ISLR2: variants seen among roughly 807,000 people sequenced by gnomAD.
The protein encoded by ISLR2 is immunoglobulin superfamily containing leucine-rich repeat protein 2.
Under a neutral mutation model 25.5 loss-of-function variants are expected in ISLR2, and 16 were observed. That is an observed-to-expected ratio of 0.63 (90% CI 0.43 to 0.95). The LOEUF is 0.95. Ranked by LOEUF, ISLR2 falls within the 40% of genes least tolerant of loss-of-function variation. The probability of loss-of-function intolerance (pLI) is 0.00; values close to 1 mark genes in which losing one functional copy is unlikely to be tolerated. For missense variants in ISLR2, 883 were observed against 1,030.7 expected, an observed-to-expected ratio of 0.86 and a Z score of 1.96; for synonymous variants, 508 against 486.6, an observed-to-expected ratio of 1.04 and a Z score of -0.58.
At position 74,122,890 on chromosome 15, in the gene ISLR2, G is replaced by A. The variant is rs73431445; in HGVS notation, n.229-8317G>A. Among the ~76,000 whole-genome samples the A allele has an allele frequency of 7.0e-3, 1,066 of 152,180 alleles. 9 individuals carry two copies. Among genetic ancestry groups the A allele is most frequent in the African/African-American group, 0.023 (967 of 41,532 alleles). On this transcript the variant is annotated intron_variant and non_coding_transcript_variant, in intron 2 of 3. Transcript: ENST00000561975. Reference sequence around the variant, plus strand: ...GGAGACTCTGGGCCAGCCCTCCTGCGGTCTGCAGGAGGCCACAGGAGGTGG... The same window carrying A: ...GGAGACTCTGGGCCAGCCCTCCTGCAGTCTGCAGGAGGCCACAGGAGGTGG...
intron 2 of ISLR2, among the ~76,000 whole-genome samples, chr15:74,106,884 G>A (rs866773459): frequency 3.9e-5 from 6 of 152,268 alleles, no homozygotes; most frequent in Middle Eastern, 3.4e-3. Context: ...ACAGCAGAGA[G>A]CCGAGAATTC....
chr15:74,124,427 A>T (rs2072275787), upstream of ISLR2, among the ~76,000 whole-genome samples: 1 of 152,106 alleles, frequency 6.6e-6, no homozygotes, highest in Non-Finnish European at 1.5e-5. Flanking sequence ...GGCTTCGGAA[A>T]AGAGAAGCCT....
rs1170646596 is a variant in ISLR2 at position 74,133,147 on chromosome 15, C to T, written c.393C>T (p.Asn131=). 7 of 1,612,930 alleles carry T rather than the reference C, an allele frequency of 4.3e-6. No homozygotes were observed. Among genetic ancestry groups the T allele is most frequent in the Middle Eastern group, 1.6e-4 (1 of 6,082 alleles). Residue 131 remains asparagine, a synonymous_variant, in exon 3 of 3, where the codon AAC becomes AAT. Coordinates refer to ENST00000453268, the MANE Select transcript of ISLR2 (RefSeq NM_020851.3). ...NLSALQLLKM[N]HNRLGSLPRD... Reference sequence around the variant, plus strand: ...GCGCGCTGCAGCTGCTCAAAATGAACCACAACCGCCTGGGCTCTCTGCCCC... The same window carrying T: ...GCGCGCTGCAGCTGCTCAAAATGAATCACAACCGCCTGGGCTCTCTGCCCC...
At chr15:74,128,140 T>G, upstream of ISLR2, 1 of 300,934 alleles carries the variant, frequency 3.3e-6, no homozygotes. Context: ...GACCCGCTTC[T>G]GCGCGCCGGA....
intron 2 of ISLR2, among the ~76,000 whole-genome samples, chr15:74,107,902 G>T (rs191987931): frequency 2.6e-5 from 4 of 152,286 alleles, no homozygotes; most frequent in Admixed American, 2.6e-4. Context: ...AGAAGTCAGA[G>T]ACCCACAGGT....
At chr15:74,106,749 C>T (rs2072123490) in intron 2 of ISLR2, among the ~76,000 whole-genome samples, 1 of 152,104 alleles carries the variant, frequency 6.6e-6, no homozygotes, top group Non-Finnish European at 1.5e-5. Flanking sequence ...ACGTTTGGGC[C>T]TCCCACCTGG....
chr15:74,130,524 C>T (rs956499464), upstream of ISLR2: 1 of 152,622 alleles, frequency 6.6e-6, no homozygotes, highest in African/African-American at 2.4e-5. Context: ...CCCCAAATTC[C>T]TCAAAGATGG....
downstream of ISLR2, among the ~76,000 whole-genome samples, chr15:74,139,832 C>T (rs1275438667): frequency 6.7e-6 from 1 of 149,740 alleles, no homozygotes; most frequent in Non-Finnish European, 1.5e-5. Context: ...TATTTGGATA[C>T]TACATGGGAA....
At position 74,134,194 on chromosome 15, in the gene ISLR2, G is replaced by A. The variant is rs2072504977; in HGVS notation, c.1440G>A (p.Lys480=). Residue 480 remains lysine, a synonymous_variant, in exon 3 of 3, where the codon AAG becomes AAA. Transcript: ENST00000453268. The part of the protein sequence containing the change: ...NHAFNQSAEL[K]PHVFELGVIA... ...CGTTCAACCAGAGCGCAGAGCTCAA[G>A]CCGCACGTCTTCGAGCTGGGCGTCA... is the stretch of plus-strand genomic sequence containing the variant. 9 of 1,611,092 alleles carry A rather than the reference G, an allele frequency of 5.6e-6. No homozygotes were observed. Among genetic ancestry groups the A allele is most frequent in the Non-Finnish European group, 7.6e-6 (9 of 1,178,896 alleles).
In ISLR2 at chr15:74,133,741, A is replaced by C. The variant is rs1330466724; in HGVS notation, c.987A>C (p.Thr329=). Residue 329 remains threonine, a synonymous_variant, in exon 3 of 3, where the codon ACA becomes ACC. Coordinates refer to ENST00000453268, the MANE Select transcript of ISLR2 (RefSeq NM_020851.3). ...CCGCTTGGCCGGCGCCCCCAGCCACACCGCGCTTCCTGGCCCTCGCAAATG... is the reference window on the plus strand; with the variant it reads ...CCGCTTGGCCGGCGCCCCCAGCCACCCCGCGCTTCCTGGCCCTCGCAAATG... ...PAPAWPAPPA[T]PRFLALANGS... The C allele has an allele frequency of 6.2e-7, 1 of 1,612,294 alleles. No homozygotes were observed. Among genetic ancestry groups the C allele is most frequent in the Non-Finnish European group, 8.5e-7 (1 of 1,179,338 alleles).
At position 74,132,482 on chromosome 15, in the gene ISLR2, C is replaced by T. The variant is rs2072443929; in HGVS notation, c.-8-265C>T. 6.6e-6 allele frequency among the ~76,000 whole-genome samples: 1 copy of T among 152,118 alleles called. No homozygotes were observed. Among genetic ancestry groups the T allele is most frequent in the African/African-American group, 2.4e-5 (1 of 41,418 alleles). On this transcript the variant is annotated intron_variant, in intron 2 of 2. Transcript: ENST00000453268. The surrounding 1 kb of genome is among the most constrained non-coding windows in gnomAD (Gnocchi z 4.3). ...TGCGGAGCCCACGGAGGGGCCAGCT[C>T]CAGCGTGAAGGAAGGAGTAGGAAGA...
chr15:74,114,122 CT>C (rs1291910009), intron 2 of ISLR2, among the ~76,000 whole-genome samples: 1 of 152,204 alleles, frequency 6.6e-6, no homozygotes, highest in African/African-American at 2.4e-5. Flanking sequence ...GGTTTAGAAA[CT>C]TTCCCCACCA....
In ISLR2 at chr15:74,133,874, G is replaced by A. The variant is rs776710094; in HGVS notation, c.1120G>A (p.Ala374Thr). Residue 374 changes from alanine to threonine, a missense_variant, in exon 3 of 3, where the codon GCA becomes ACA. Physicochemically the swap from Ala to Thr is moderately conservative, Grantham distance 58. Coordinates refer to ENST00000453268, the MANE Select transcript of ISLR2 (RefSeq NM_020851.3). ...NSTSIRVAVA[A>T]TGPPKHAPGA... Reference sequence around the variant, plus strand: ...TACGTCAATACGCGTGGCGGTGGCAGCAACCGGGCCCCCAAAACACGCGCC... The same window carrying A: ...TACGTCAATACGCGTGGCGGTGGCAACAACCGGGCCCCCAAAACACGCGCC... The A allele has an allele frequency of 1.9e-6, 3 of 1,610,802 alleles. No homozygotes were observed. The highest frequency in any genetic ancestry group is 2.2e-5 in the South Asian group (2 of 90,586).
chr15:74,102,269 A>G (rs2072086286), intron 1 of ISLR2, among the ~76,000 whole-genome samples: 1 of 112,720 alleles, frequency 8.9e-6, no homozygotes, highest in Admixed American at 9.9e-5. Context: ...TCAGTAGGTT[A>G]AAGAAGAGAA....
At position 74,134,810 on chromosome 15, in the gene ISLR2, C is replaced by A. The variant is rs1265632713; in HGVS notation, c.2056C>A (p.Pro686Thr). The part of the protein sequence containing the change: ...GLDEDAEQGD[P>T]SGDLQREESL... Reference sequence around the variant, plus strand: ...TGATGAAGACGCGGAGCAGGGAGACCCAAGTGGGGACCTGCAGAGAGAGGA... The same window carrying A: ...TGATGAAGACGCGGAGCAGGGAGACACAAGTGGGGACCTGCAGAGAGAGGA... Residue 686 changes from proline (P) to threonine (T), a missense_variant, in exon 3 of 3, where the codon CCA becomes ACA. Physicochemically the swap from Pro to Thr is conservative, Grantham distance 38. Around this residue, in one of 2 missense-constraint regions of ISLR2, gnomAD observed 612 missense variants for 642.8 expected, o/e 0.95. Transcript: ENST00000453268. The A allele has an allele frequency of 1.9e-6, 3 of 1,614,100 alleles. No homozygotes were observed. Among genetic ancestry groups the A allele is most frequent in the Non-Finnish European group, 2.5e-6 (3 of 1,180,012 alleles).
chr15:74,133,783 C>G lies in ISLR2; in HGVS notation c.1029C>G (p.Pro343=), dbSNP rs755780779. 19 of 1,613,796 alleles carry G rather than the reference C, an allele frequency of 1.2e-5. 1 individual carries two copies. The South Asian group carries it at 1.9e-4, about 16-fold the overall frequency. The change falls in exon 3 of 3, where the codon CCC becomes CCG. Residue 343 remains proline (P), a synonymous_variant. Coordinates refer to ENST00000453268, the MANE Select transcript of ISLR2 (RefSeq NM_020851.3). The part of the protein sequence containing the change: ...LALANGSLLV[P]LLSAKEAGVY... Reference sequence around the variant, plus strand: ...TCGCAAATGGCTCCCTGTTGGTGCCCCTCCTGAGTGCCAAGGAGGCGGGCG... The same window carrying G: ...TCGCAAATGGCTCCCTGTTGGTGCCGCTCCTGAGTGCCAAGGAGGCGGGCG...
upstream of ISLR2, among the ~76,000 whole-genome samples, chr15:74,123,482 C>G (rs1230052609): frequency 6.6e-6 from 1 of 152,152 alleles, no homozygotes; most frequent in African/African-American, 2.4e-5. Context: ...GGGTGGAAAC[C>G]TAGAAGGAGA....
At chr15:74,120,744 C>A (rs1422450669) in intron 2 of ISLR2, among the ~76,000 whole-genome samples, 1 of 151,890 alleles carries the variant, frequency 6.6e-6, no homozygotes, top group Non-Finnish European at 1.5e-5. Context: ...ATCTCATATG[C>A]AAATGGGGGT....
upstream of ISLR2, chr15:74,128,868 A>G (rs945510267): frequency 2.2e-5 from 5 of 226,742 alleles, no homozygotes; most frequent in African/African-American, 1.6e-4. Flanking sequence ...CCCCGCCCCC[A>G]CCCCCACCTT....
Sources: gnomAD v4.1 joint callset for allele counts (sites outside exome capture counted in the v4.1 genomes callset) on GRCh38, gnomAD v4.1.1 for gene constraint, gnomAD v4.1.1 regional missense constraint, Gnocchi (gnomAD v3.1) non-coding constraint, MANE v1.5 for transcripts, NCBI Gene and HGNC (gene_info 2026-07-23, HGNC 2026-07-21) for gene names.